SMG6: variants seen among roughly 807,000 people sequenced by gnomAD.
SMG6 encodes the protein telomerase-binding protein EST1A.
In SMG6, 66 loss-of-function variants were observed where a neutral mutation model predicts 142.2. The observed-to-expected ratio is 0.46, with a 90% CI of 0.38 to 0.57. The LOEUF (loss-of-function observed/expected upper bound fraction) is 0.57. SMG6 is among the 20% of genes least tolerant of loss of function. The probability of loss-of-function intolerance (pLI) is 0.00; values close to 1 mark genes in which losing one functional copy is unlikely to be tolerated. For synonymous variants in SMG6, 779 were observed against 702.4 expected (o/e 1.11, Z -1.72); for missense variants, 1,793 against 1,832.0 (o/e 0.98, Z 0.39).
chr17:2,291,307 A>G (rs143830705), intron 6 of SMG6, among the ~76,000 whole-genome samples: 3,348 of 151,618 alleles, frequency 0.022, 80 homozygotes, highest in African/African-American at 0.061. Flanking sequence ...CTCCAGCCTG[A>G]GCGACAGAGC....
At chr17:2,154,068 G>A (rs1370485258) in intron 13 of SMG6, among the ~76,000 whole-genome samples, 2 of 133,766 alleles carry the variant, frequency 1.5e-5, no homozygotes, top group African/African-American at 2.9e-5. Context: ...AGAGTGTGAC[G>A]GTGACTGGGG....
intron 13 of SMG6, among the ~76,000 whole-genome samples, chr17:2,089,419 C>G (rs1216033903): frequency 6.6e-6 from 1 of 152,046 alleles, no homozygotes; most frequent in Non-Finnish European, 1.5e-5. Flanking sequence ...CAGTCCTGAC[C>G]CTTCTGGAGG....
chr17:2,293,667 G>A (rs908018578), intron 4 of SMG6, among the ~76,000 whole-genome samples: 1 of 151,928 alleles, frequency 6.6e-6, no homozygotes, highest in Non-Finnish European at 1.5e-5. Flanking sequence ...ACAGGGTTTC[G>A]CCATGTTGCC....
At chr17:2,088,553 C>T (rs1325698830) in intron 13 of SMG6, 1 of 985,458 alleles carries the variant, frequency 1.0e-6, no homozygotes, top group Non-Finnish European at 1.2e-6. Context: ...CTGTGATCTA[C>T]TGGGGTCTCT....
At chr17:2,199,771 G>A (rs1268044942) in intron 10 of SMG6, 6 of 150,456 alleles carry the variant, frequency 4.0e-5, no homozygotes, top group Admixed American at 4.0e-4. Flanking sequence ...AGCCGGGTGT[G>A]GTGGCGTGTG....
intron 10 of SMG6, among the ~76,000 whole-genome samples, chr17:2,221,075 A>T (rs1398448316): frequency 6.6e-6 from 1 of 152,244 alleles, no homozygotes; most frequent in Non-Finnish European, 1.5e-5. Flanking sequence ...GATTCAAGAG[A>T]CCAGAAAGGA....
At chr17:2,212,366 G>A (rs900017660) in intron 10 of SMG6, among the ~76,000 whole-genome samples, 2 of 152,184 alleles carry the variant, frequency 1.3e-5, no homozygotes, top group African/African-American at 4.8e-5. Context: ...AGAGAGACAG[G>A]TTGGACAGGG....
chr17:2,098,862 C>T (rs1472583209), intron 13 of SMG6, among the ~76,000 whole-genome samples: 2 of 151,950 alleles, frequency 1.3e-5, no homozygotes, highest in Admixed American at 6.6e-5. Flanking sequence ...AACTCCTGAC[C>T]TCAGGTGATC....
At chr17:2,139,813 C>T (rs990902653) in intron 13 of SMG6, among the ~76,000 whole-genome samples, 13 of 152,136 alleles carry the variant, frequency 8.5e-5, no homozygotes, top group East Asian at 1.9e-4. Context: ...GTCACCTCTA[C>T]CTCCTGAGTT....
rs2075041831 is a variant in SMG6 at position 2,291,780 on chromosome 17, GAGGATCACCTAAGCCAGT to G, written c.2337+754_2337+771del. Among the ~76,000 whole-genome samples, 7 of 147,074 alleles carry G rather than the reference GAGGATCACCTAAGCCAGT, an allele frequency of 4.8e-5. No homozygotes were observed. In the South Asian group the frequency reaches 1.5e-3, roughly 32 times the overall value. On this transcript the variant is annotated intron_variant, in intron 6 of 18. Coordinates refer to ENST00000263073, the MANE Select transcript of SMG6 (RefSeq NM_017575.5). ...CCAGTTACTTGGGAGGCTGAGGCAG[GAGGATCACCTAAGCCAGT>G]AGTTTGCGTCACTGCACTCCAGCCT...
chr17:2,132,442 C>A (rs2070153644), intron 13 of SMG6, among the ~76,000 whole-genome samples: 1 of 152,308 alleles, frequency 6.6e-6, no homozygotes, highest in African/African-American at 2.4e-5. Context: ...CCGGTTCTCA[C>A]TGAGTTGTCT....
intron 13 of SMG6, among the ~76,000 whole-genome samples, chr17:2,129,372 A>G (rs895312573): frequency 6.6e-6 from 1 of 152,154 alleles, no homozygotes; most frequent in Non-Finnish European, 1.5e-5. Context: ...AAAAAGAAAA[A>G]CTACACTATC....
intron 10 of SMG6, among the ~76,000 whole-genome samples, chr17:2,227,698 G>A (rs531842624): frequency 6.6e-6 from 1 of 152,312 alleles, no homozygotes; most frequent in East Asian, 1.9e-4. Flanking sequence ...TGACTGAAGT[G>A]CATGCTTAAA....
chr17:2,112,371 C>T (rs371702149), intron 13 of SMG6, among the ~76,000 whole-genome samples: 4 of 151,010 alleles, frequency 2.6e-5, no homozygotes, highest in African/African-American at 4.9e-5. Context: ...AGCCAGGCGT[C>T]GTGGCGGGCG....
intron 13 of SMG6, among the ~76,000 whole-genome samples, chr17:2,124,963 A>G (rs958565871): frequency 7.9e-5 from 12 of 152,190 alleles, no homozygotes; most frequent in African/African-American, 2.7e-4. Context: ...AATGATGAAC[A>G]AGGTACATAC....
intron 13 of SMG6, among the ~76,000 whole-genome samples, chr17:2,145,397 G>A (rs1221335938): frequency 6.6e-6 from 1 of 151,730 alleles, no homozygotes; most frequent in Non-Finnish European, 1.5e-5. Context: ...GATTACAGGC[G>A]TGAGCCACTG....
chr17:2,183,745 GACACACACACACACACACAC>G (rs56210030), intron 12 of SMG6, among the ~76,000 whole-genome samples: 1,897 of 146,438 alleles, frequency 0.013, 36 homozygotes, highest in African/African-American at 0.044. Context: ...AGGTGCGTGC[GACACACACACACACACACAC>G]ACACACACAC....
chr17:2,268,347 G>A (rs1488333731), intron 8 of SMG6, among the ~76,000 whole-genome samples: 1 of 152,194 alleles, frequency 6.6e-6, no homozygotes, highest in East Asian at 1.9e-4. Flanking sequence ...ACCATGCTCT[G>A]ATCTATAATT....
intron 13 of SMG6, chr17:2,122,209 G>GACAAAT (rs942865295): frequency 1.2e-4 from 18 of 152,184 alleles, no homozygotes; most frequent in African/African-American, 3.9e-4. Context: ...AACATGATAA[G>GACAAAT]ACAAATACAG....
Sources: allele counts gnomAD v4.1 joint callset (sites outside exome capture counted in the v4.1 genomes callset), GRCh38; gene constraint gnomAD v4.1.1; transcripts MANE v1.5; gene names NCBI Gene and HGNC (gene_info 2026-07-23, HGNC 2026-07-21).